The following ZFPM1 variants were observed in gnomAD, a reference collection of about 807,000 sequenced individuals.
The protein encoded by ZFPM1 is zinc finger protein, FOG family member 1.
In ZFPM1, 28 loss-of-function variants were observed where a neutral mutation model predicts 46.3. That is an observed-to-expected ratio of 0.60 (90% CI 0.45 to 0.83). ZFPM1 has a LOEUF of 0.83. Among genes scored for constraint, ZFPM1 ranks in the 40% least tolerant of loss-of-function variants. ZFPM1 has a pLI of 0.00. For synonymous variants in ZFPM1, 957 were observed against 675.9 expected (o/e 1.42, Z -6.45); for missense variants, 1,878 against 1,432.4 (o/e 1.31, Z -5.02).
At chr16:88,486,974 C>A (rs533328794) in intron 2 of ZFPM1, among the ~76,000 whole-genome samples, 43 of 152,318 alleles carry the variant, frequency 2.8e-4, no homozygotes, top group African/African-American at 9.4e-4. Context: ...GGGTCCCACC[C>A]AGGTCTGGGT....
Position 88,533,197 on chromosome 16 carries a change from G to T in ZFPM1, c.1239G>T (p.Leu413=), listed in dbSNP as rs1912938130. The change falls in exon 10 of 10, where the codon CTG becomes CTT. Residue 413 remains leucine (L), a synonymous_variant. Transcript: ENST00000319555. ...AGCACACGGCCCTGCAAGGCCCCCTGGCCTCCGCGGACCTGGGCCTGGCGC... is the reference window on the plus strand; with the variant it reads ...AGCACACGGCCCTGCAAGGCCCCCTTGCCTCCGCGGACCTGGGCCTGGCGC... ...QQQHTALQGP[L]ASADLGLAPT... 1 of 1,542,340 alleles carries T rather than the reference G, an allele frequency of 6.5e-7. No individual in the cohort carries two copies. Among genetic ancestry groups the T allele is most frequent in the Non-Finnish European group, 8.7e-7 (1 of 1,154,106 alleles).
chr16:88,480,511 C>T lies in ZFPM1; in HGVS notation c.41-5428C>T, dbSNP rs1295216410. 6.6e-6 allele frequency among the ~76,000 whole-genome samples: 1 copy of T among 152,242 alleles called. No individual in the cohort carries two copies. Among genetic ancestry groups the T allele is most frequent in the Non-Finnish European group, 1.5e-5 (1 of 68,028 alleles). ...GGTCACCCGCCCCACCAGCTGCTCA[C>T]ATGGGGCCTGGGCAGGCACCTGCAC... On this transcript the variant is annotated intron_variant, in intron 1 of 9. Coordinates refer to ENST00000319555, the MANE Select transcript of ZFPM1 (RefSeq NM_153813.3). The surrounding 1 kb of genome is among the most constrained non-coding windows in gnomAD (Gnocchi z 4.9).
chr16:88,471,590 C>G lies in ZFPM1; in HGVS notation c.41-14349C>G, dbSNP rs891229150. ...CTGCTCACAGTGGGGGACGCCAGGA[C>G]CCCGAGATGATCGTGGCTGTAGCGG... On this transcript the variant is annotated intron_variant, in intron 1 of 9. Coordinates refer to ENST00000319555, the MANE Select transcript of ZFPM1 (RefSeq NM_153813.3). This position sits in a 1 kb window ranked among gnomAD's most constrained non-coding sequence, Gnocchi z 4.1. 2.6e-5 allele frequency among the ~76,000 whole-genome samples: 4 copies of G among 152,184 alleles called. No individual in the cohort carries two copies. Among genetic ancestry groups the G allele is most frequent in the Non-Finnish European group, 4.4e-5 (3 of 68,036 alleles).
intron 3 of ZFPM1, among the ~76,000 whole-genome samples, chr16:88,507,416 T>G (rs1000202507): frequency 1.3e-5 from 2 of 152,128 alleles, no homozygotes; most frequent in Non-Finnish European, 2.9e-5. Flanking sequence ...TCCCTTTATG[T>G]TTCTTGACTT....
At chr16:88,522,540 G>A (rs546295286) in intron 4 of ZFPM1, among the ~76,000 whole-genome samples, 34 of 152,374 alleles carry the variant, frequency 2.2e-4, no homozygotes, top group Non-Finnish European at 3.2e-4. Flanking sequence ...GCTTCACAGC[G>A]AGGTTTGGGA....
In ZFPM1 at chr16:88,527,049, G is replaced by A. The variant is rs906757702; in HGVS notation, c.505+133G>A. ...TGGGGCACAGGGAGCTGCTGGCCCCGGGCGCTGCAGCATGAGGCAGACACT... is the reference window on the plus strand; with the variant it reads ...TGGGGCACAGGGAGCTGCTGGCCCCAGGCGCTGCAGCATGAGGCAGACACT... On this transcript the variant is annotated intron_variant, in intron 5 of 9. Transcript: ENST00000319555. 3.4e-5 allele frequency: 47 copies of A among 1,382,560 alleles called. 1 individual carries two copies. In the Middle Eastern group the frequency reaches 7.5e-4, roughly 22 times the overall value. The allele number at this position is 1,382,560 out of a possible 1,614,324, so 85.6% of individuals were successfully genotyped here.
intron 1 of ZFPM1, among the ~76,000 whole-genome samples, chr16:88,470,864 G>C (rs1049429010): frequency 3.3e-5 from 5 of 151,726 alleles, no homozygotes; most frequent in African/African-American, 1.2e-4. Flanking sequence ...CTGAGTGACA[G>C]GTGAGGATGT....
chr16:88,461,556 C>T (rs1231691465), intron 1 of ZFPM1, among the ~76,000 whole-genome samples: 3 of 152,142 alleles, frequency 2.0e-5, no homozygotes, highest in South Asian at 2.1e-4. Flanking sequence ...ACCTCCTTCC[C>T]GGCTGTTGTG....
intron 2 of ZFPM1, among the ~76,000 whole-genome samples, chr16:88,486,758 A>G (rs1459169725): frequency 1.4e-5 from 2 of 145,750 alleles, no homozygotes; most frequent in African/African-American, 5.3e-5. Flanking sequence ...TGCTGGGTGC[A>G]CAGTGGATAC....
rs150165700 is a variant in ZFPM1, at chr16:88,473,156, G to T, written c.41-12783G>T. ...AAAAGGCTGAACTGAGCCAGAGGGCGTGACTTCTTCCTTTCTGAAAGGCAT... is the reference window on the plus strand; with the variant it reads ...AAAAGGCTGAACTGAGCCAGAGGGCTTGACTTCTTCCTTTCTGAAAGGCAT... On this transcript the variant is annotated intron_variant, in intron 1 of 9. Coordinates refer to ENST00000319555, the MANE Select transcript of ZFPM1 (RefSeq NM_153813.3). Among the ~76,000 whole-genome samples the T allele has an allele frequency of 1.1e-4, 17 of 152,402 alleles. No individual in the cohort carries two copies. The East Asian group carries it at 3.1e-3, about 28-fold the overall frequency.
At chr16:88,523,379 G>A (rs955750867) in intron 4 of ZFPM1, among the ~76,000 whole-genome samples, 1 of 152,208 alleles carries the variant, frequency 6.6e-6, no homozygotes, top group African/African-American at 2.4e-5. Flanking sequence ...TGCCCGGCCA[G>A]CCCCTCCGCA....
chr16:88,499,269 G>A (rs1910114837), intron 3 of ZFPM1, among the ~76,000 whole-genome samples: 1 of 152,256 alleles, frequency 6.6e-6, no homozygotes, highest in African/African-American at 2.4e-5. Context: ...CGCAGGCAGA[G>A]CCGGCACTCA....
chr16:88,488,905 G>C (rs1472538091), intron 2 of ZFPM1, 126 bp from the exon 3 acceptor site: 9 of 1,417,676 alleles, frequency 6.3e-6, no homozygotes, highest in Admixed American at 2.4e-5. Flanking sequence ...CCAGGAGATG[G>C]GGGTGGCTCT....
At chr16:88,499,248 A>C (rs9930929) in intron 3 of ZFPM1, among the ~76,000 whole-genome samples, 1 of 152,038 alleles carries the variant, frequency 6.6e-6, no homozygotes, top group African/African-American at 2.4e-5. Flanking sequence ...TGGGCCTCGA[A>C]GTCCCGAAAT....
intron 1 of ZFPM1, among the ~76,000 whole-genome samples, chr16:88,481,572 C>G (rs149645078): frequency 6.6e-6 from 1 of 152,086 alleles, no homozygotes; most frequent in East Asian, 1.9e-4. Context: ...GGGATTTCCA[C>G]GATGGCTGCC....
At chr16:88,501,105 A>G (rs865837509) in intron 3 of ZFPM1, among the ~76,000 whole-genome samples, 8 of 132,790 alleles carry the variant, frequency 6.0e-5, no homozygotes, top group African/African-American at 9.4e-5. Context: ...GGTGCTGGTG[A>G]TGATGGAGAT....
chr16:88,520,878 T>TGGGA (rs1232987506), intron 4 of ZFPM1, among the ~76,000 whole-genome samples: 1 of 43,922 alleles, frequency 2.3e-5, no homozygotes, highest in Non-Finnish European at 4.2e-5. Context: ...GACGGATGGA[T>TGGGA]GGGAGGGAGG....
At chr16:88,493,962 G>A (rs79103364) in intron 3 of ZFPM1, among the ~76,000 whole-genome samples, 4,025 of 152,270 alleles carry the variant, frequency 0.026, 79 homozygotes, top group South Asian at 0.077. Context: ...GTCCAGCCTC[G>A]CTGAGTGACA....
chr16:88,515,964 T>A (rs1193382846), intron 4 of ZFPM1: 6 of 395,448 alleles, frequency 1.5e-5, no homozygotes, highest in Non-Finnish European at 2.7e-5. Context: ...ACTCTCAAAG[T>A]GTCAAGAAAA....
Sources: allele counts gnomAD v4.1 joint callset (sites outside exome capture counted in the v4.1 genomes callset), GRCh38; gene constraint gnomAD v4.1.1; non-coding constraint Gnocchi (gnomAD v3.1); transcripts MANE v1.5; gene names NCBI Gene and HGNC (gene_info 2026-07-23, HGNC 2026-07-21).